Variants in SLC25A25 observed in about 807,000 individuals in gnomAD.
SLC25A25 encodes the protein solute carrier family 25 member 25.
A neutral mutation model predicts 57.7 loss-of-function variants in SLC25A25; 32 were observed. That is an observed-to-expected ratio of 0.55 (90% CI 0.42 to 0.74). The LOEUF is 0.74. Among genes scored for constraint, SLC25A25 ranks in the 30% least tolerant of loss-of-function variants. SLC25A25 has a pLI of 0.00. For synonymous variants in SLC25A25, 306 were observed against 291.2 expected, an observed-to-expected ratio of 1.05 and a Z score of -0.52; for missense variants, 556 against 701.3, an observed-to-expected ratio of 0.79 and a Z score of 2.34.
intron 1 of SLC25A25, among the ~76,000 whole-genome samples, chr9:128,094,080 G>A (rs1269368763): frequency 2.6e-5 from 4 of 152,164 alleles, no homozygotes; most frequent in Non-Finnish European, 5.9e-5. Context: ...TCCAGGAGGC[G>A]GAGGTTGCAG....
Position 128,090,299 on chromosome 9 carries a change from G to A in SLC25A25, c.262-10797G>A, listed in dbSNP as rs550232448. Among the ~76,000 whole-genome samples, 358 of 151,974 alleles carry A rather than the reference G, an allele frequency of 2.4e-3. 3 individuals are homozygous for A. Among genetic ancestry groups the A allele is most frequent in the African/African-American group, 8.2e-3 (340 of 41,494 alleles). ...GCAATCTTGGCTCACTGCAACCTCC[G>A]CCTCCTGGGTTCAAGTGATTCTCCT... On this transcript the variant is annotated intron_variant, in intron 1 of 10. Coordinates refer to ENST00000373069, the MANE Select transcript of SLC25A25 (RefSeq NM_001330988.2).
rs781236718 is a variant in SLC25A25, at chr9:128,106,252, A to G, written c.1039A>G (p.Met347Val). The G allele has an allele frequency of 5.0e-6, 8 of 1,614,008 alleles. No individual in the cohort carries two copies. The Admixed American group carries it at 5.0e-5, about 10-fold the overall frequency. ...CATCGCCCAGAGCAGCATCTACCCAATGGAGGTGAGGGGCCGCCTGGGTCC... is the reference window on the plus strand; with the variant it reads ...CATCGCCCAGAGCAGCATCTACCCAGTGGAGGTGAGGGGCCGCCTGGGTCC... ...GAIAQSSIYP[M>V]EVLKTRMALR... Residue 347 changes from methionine to valine, a missense_variant, in exon 8 of 11, where the codon ATG (methionine) becomes GTG (valine). Physicochemically the swap from Met to Val is conservative, Grantham distance 21. Around this residue, in one of 3 missense-constraint regions of SLC25A25, gnomAD observed 294 missense variants for 389.6 expected, o/e 0.75. Transcript: ENST00000373069.
At chr9:128,098,679 T>C (rs1187674781) in intron 1 of SLC25A25, 1 of 1,614,038 alleles carries the variant, frequency 6.2e-7, no homozygotes, top group Non-Finnish European at 8.5e-7. Flanking sequence ...AAGCTCAGTG[T>C]CTTCATCCCC....
chr9:128,069,224 G>T (rs946223893), intron 1 of SLC25A25, among the ~76,000 whole-genome samples: 9 of 152,240 alleles, frequency 5.9e-5, no homozygotes, highest in Non-Finnish European at 1.0e-4. Flanking sequence ...GTCAAAGCGA[G>T]ATTGTTACTA....
At chr9:128,089,021 G>A (rs868357519) in intron 1 of SLC25A25, among the ~76,000 whole-genome samples, 19 of 152,208 alleles carry the variant, frequency 1.2e-4, no homozygotes, top group African/African-American at 3.6e-4. Flanking sequence ...TCAGCCTCCC[G>A]TGTAGCTGGG....
intron 1 of SLC25A25, among the ~76,000 whole-genome samples, chr9:128,090,111 A>G (rs7874541): frequency 0.74 from 112,987 of 152,070 alleles, 43,794 homozygotes; most frequent in Non-Finnish European, 0.85. Context: ...TCTTCAATTT[A>G]ATTATCTTTC....
rs1468611824 is a variant in SLC25A25, at chr9:128,105,078, C to T, written c.784-651C>T. ...TTCATCATGTTGGCCAGGCTGGTCT[C>T]ACACTCCTCACCTCATGTGATCTGC... On this transcript the variant is annotated intron_variant, in intron 6 of 10. Coordinates refer to ENST00000373069, the MANE Select transcript of SLC25A25 (RefSeq NM_001330988.2). Among the ~76,000 whole-genome samples, 6 of 148,992 alleles carry T rather than the reference C, an allele frequency of 4.0e-5. 1 individual carries two copies. Among genetic ancestry groups the T allele is most frequent in the African/African-American group, 1.5e-4 (6 of 40,548 alleles).
In SLC25A25 at chr9:128,107,013, T is replaced by C; in HGVS notation, c.1213-16T>C. On this transcript the variant is annotated splice_polypyrimidine_tract_variant and intron_variant, in intron 9 of 10. Coordinates refer to ENST00000373069, the MANE Select transcript of SLC25A25 (RefSeq NM_001330988.2). ...GCCCTTCCTAGGGCTTATCCCATGC[T>C]CCCTTCTCCTTCTAGACGCTCAAGA... 6.2e-7 allele frequency: 1 copy of C among 1,611,614 alleles called. No homozygotes were observed. The highest frequency in any genetic ancestry group is 8.5e-7 in the Non-Finnish European group (1 of 1,178,216).
Position 128,106,302 on chromosome 9 carries a change from T to G in SLC25A25, c.1044+45T>G, listed in dbSNP as rs759392534. 5 of 1,610,382 alleles carry G rather than the reference T, an allele frequency of 3.1e-6. No homozygotes were observed. The Admixed American group carries it at 6.7e-5, about 22-fold the overall frequency. On this transcript the variant is annotated intron_variant, in intron 8 of 10. Coordinates refer to ENST00000373069, the MANE Select transcript of SLC25A25 (RefSeq NM_001330988.2). ...CTGGGGCGGGCAGTGGGCACAGGAC[T>G]GGGGAGAGGCACAGGCTGTGCTCAC...
chr9:128,075,062 G>A (rs988680439), intron 1 of SLC25A25, among the ~76,000 whole-genome samples: 13 of 152,142 alleles, frequency 8.5e-5, no homozygotes, highest in Non-Finnish European at 1.6e-4. Context: ...GCTTGAACCC[G>A]GGCAGCGGAG....
chr9:128,076,185 T>A (rs986229685), intron 1 of SLC25A25, among the ~76,000 whole-genome samples: 1 of 152,036 alleles, frequency 6.6e-6, no homozygotes, highest in African/African-American at 2.4e-5. Context: ...AGGCTGGCGT[T>A]CAGTGGTTCA....
chr9:128,093,480 C>T (rs1391863686), intron 1 of SLC25A25, among the ~76,000 whole-genome samples: 1 of 152,196 alleles, frequency 6.6e-6, no homozygotes, highest in Non-Finnish European at 1.5e-5. Context: ...GCCAGCTCTC[C>T]CCCCAGGGAC....
At position 128,106,227 on chromosome 9, in the gene SLC25A25, C is replaced by G; in HGVS notation, c.1014C>G (p.Ala338=). 1 of 1,614,176 alleles carries G rather than the reference C, an allele frequency of 6.2e-7. No individual in the cohort carries two copies. Among genetic ancestry groups the G allele is most frequent in the African/African-American group, 1.3e-5 (1 of 75,066 alleles). The change falls in exon 8 of 11, where the codon GCC becomes GCG. Residue 338 remains alanine (A), a synonymous_variant. Coordinates refer to ENST00000373069, the MANE Select transcript of SLC25A25 (RefSeq NM_001330988.2). The part of the protein sequence containing the change: ...ERLVAGSLAG[A]IAQSSIYPME... ...TTGTGGCAGGGTCCTTGGCAGGGGC[C>G]ATCGCCCAGAGCAGCATCTACCCAA...
rs1395614271 is a variant in SLC25A25, at chr9:128,107,125, G to A, written c.1309G>A (p.Gly437Ser). The change falls in exon 10 of 11, where the codon GGC (glycine) becomes AGC (serine). Residue 437 changes from glycine to serine, a missense_variant. Transcript: ENST00000373069. ...CTGTGGCACCATGTCCAGTACCTGT[G>A]GCCAGCTGGCCAGCTACCCCCTGGC... ...LACGTMSSTCGQLASYPLALV... is the reference protein window; with the variant it reads ...LACGTMSSTCSQLASYPLALV... The A allele has an allele frequency of 6.2e-7, 1 of 1,613,880 alleles. No individual in the cohort carries two copies. The highest frequency in any genetic ancestry group is 8.5e-7 in the Non-Finnish European group (1 of 1,180,042).
Position 128,101,284 on chromosome 9 carries a change from C to T in SLC25A25, c.389-25C>T. On this transcript the variant is annotated intron_variant, in intron 2 of 10. Coordinates refer to ENST00000373069, the MANE Select transcript of SLC25A25 (RefSeq NM_001330988.2). The surrounding 1 kb of genome is among the most constrained non-coding windows in gnomAD (Gnocchi z 4.9). ...TCGGGCCTCCCCGTGCGCCTGGCTCCTGCTCACGGCCTCTGTTCTTGCAGG... is the reference window on the plus strand; with the variant it reads ...TCGGGCCTCCCCGTGCGCCTGGCTCTTGCTCACGGCCTCTGTTCTTGCAGG... 1 of 1,614,214 alleles carries T rather than the reference C, an allele frequency of 6.2e-7. No individual in the cohort carries two copies. The highest frequency in any genetic ancestry group is 8.5e-7 in the Non-Finnish European group (1 of 1,180,012).
At chr9:128,091,533 G>A (rs1461656429) in intron 1 of SLC25A25, 18 of 996,176 alleles carry the variant, frequency 1.8e-5, no homozygotes, top group Non-Finnish European at 2.0e-5. Context: ...CTTGGCTGTC[G>A]CGTTTTCCTT....
At chr9:128,086,761 C>T (rs553959045) in intron 1 of SLC25A25, among the ~76,000 whole-genome samples, 1 of 152,256 alleles carries the variant, frequency 6.6e-6, no homozygotes, top group Admixed American at 6.5e-5. Flanking sequence ...CAGGTGAGAG[C>T]CACCATACCT....
chr9:128,108,259 G>A lies in SLC25A25; in HGVS notation c.*815G>A. On this transcript the variant is annotated 3_prime_UTR_variant, in exon 11 of 11. Coordinates refer to ENST00000373069, the MANE Select transcript of SLC25A25 (RefSeq NM_001330988.2). The stretch of plus-strand genomic sequence containing the variant: ...GCACCATGTTTGAGGGCGAAGGGCA[G>A]AGCGTTTGTGTGTTCTGGGGAGGGA... The A allele has an allele frequency of 2.5e-6, 1 of 399,268 alleles. No individual in the cohort carries two copies. The highest frequency in any genetic ancestry group is 4.4e-6 in the Non-Finnish European group (1 of 226,174). The allele number at this position is 399,268 out of a possible 1,614,324, so 24.7% of individuals were successfully genotyped here. A position where few individuals can be genotyped will look rare whatever the true frequency, so the allele number is the denominator to read the frequency against.
intron 1 of SLC25A25, among the ~76,000 whole-genome samples, chr9:128,087,214 A>G (rs1367512815): frequency 2.7e-5 from 4 of 146,294 alleles, no homozygotes; most frequent in Non-Finnish European, 4.5e-5. Context: ...CTGGGATTAC[A>G]GGCGTGAGCC....
Sources: gnomAD v4.1 joint callset for allele counts (sites outside exome capture counted in the v4.1 genomes callset) on GRCh38, gnomAD v4.1.1 for gene constraint, gnomAD v4.1.1 regional missense constraint, Gnocchi (gnomAD v3.1) non-coding constraint, MANE v1.5 for transcripts, NCBI Gene and HGNC (gene_info 2026-07-23, HGNC 2026-07-21) for gene names.